Variants in NAV3 observed in about 807,000 individuals in gnomAD.
The protein encoded by NAV3 is neuron navigator 3, also known as pore membrane and/or filament interacting like protein 1.
NAV3 carries 87 observed loss-of-function variants against 244.7 expected under a neutral mutation model. The ratio of observed to expected loss-of-function variants is 0.36; its 90% CI spans 0.30 to 0.42. The LOEUF is 0.42. NAV3 is among the 20% of genes least tolerant of loss of function. NAV3 has a pLI of 1.00. For synonymous variants in NAV3, 1,126 were observed against 1,042.2 expected (o/e 1.08, Z -1.55); for missense variants, 2,663 against 2,893.3 (o/e 0.92, Z 1.83).
chr12:78,117,035 A>C, intron 13 of NAV3, 131 bp downstream of exon 13: 1 of 1,059,582 alleles, frequency 9.4e-7, no homozygotes, highest in Non-Finnish European at 1.3e-6. Context: ...TGCAGAGATA[A>C]TAAGGACTCC....
At chr12:78,171,116 T>A (rs954099652) in intron 24 of NAV3, among the ~76,000 whole-genome samples, 5 of 151,768 alleles carry the variant, frequency 3.3e-5, no homozygotes, top group Non-Finnish European at 7.4e-5. Flanking sequence ...TAAAGTGAGA[T>A]ATGCTTAAAT....
intron 7 of NAV3, among the ~76,000 whole-genome samples, chr12:78,001,899 C>G (rs1873373170): frequency 1.3e-5 from 2 of 152,196 alleles, no homozygotes; most frequent in African/African-American, 4.8e-5. Context: ...CTCCTGATGA[C>G]CTGCCATTCA....
intron 1 of NAV3, among the ~76,000 whole-genome samples, chr12:77,861,766 T>C (rs1408931524): frequency 6.6e-6 from 1 of 151,820 alleles, no homozygotes; most frequent in Admixed American, 6.6e-5. Context: ...AAATCTTAAG[T>C]AATTTTCATG....
At chr12:77,997,191 T>C (rs933990571) in intron 6 of NAV3, among the ~76,000 whole-genome samples, 6 of 141,114 alleles carry the variant, frequency 4.3e-5, no homozygotes, top group African/African-American at 1.3e-4. Context: ...TGGGCTGAGA[T>C]TGTGCCACTG....
At chr12:78,119,977 A>G in intron 15 of NAV3, 32 bp downstream of exon 15, 2 of 1,560,730 alleles carry the variant, frequency 1.3e-6, no homozygotes, top group East Asian at 2.2e-5. Flanking sequence ...CTGGAAAAAT[A>G]TAAAGGATAA....
chr12:77,852,948 A>G (rs923765020), intron 1 of NAV3, among the ~76,000 whole-genome samples: 3 of 152,192 alleles, frequency 2.0e-5, no homozygotes, highest in African/African-American at 7.2e-5. Context: ...ATTCCTGCAC[A>G]TGTCTTTTTG....
At position 78,121,984 on chromosome 12, in the gene NAV3, A is replaced by G; in HGVS notation, c.3794A>G (p.Asn1265Ser). ...KAGGKSASAPNTEGVKSSSVM... is the reference protein window; with the variant it reads ...KAGGKSASAPSTEGVKSSSVM... ...GGTGGCAAATCTGCCTCTGCACCTA[A>G]TACTGAGGGTGTGAAATCTTCCTCA... The change falls in exon 16 of 40, where the codon AAT becomes AGT. Residue 1265 changes from asparagine (N) to serine (S), a missense_variant. By Grantham distance (46) the Asn-to-Ser change is conservative. Transcript: ENST00000397909. 3.7e-6 allele frequency: 6 copies of G among 1,614,186 alleles called. No homozygotes were observed. Among genetic ancestry groups the G allele is most frequent in the Non-Finnish European group, 5.1e-6 (6 of 1,180,022 alleles).
chr12:78,026,634 A>C (rs983778833), intron 9 of NAV3, among the ~76,000 whole-genome samples: 40 of 152,198 alleles, frequency 2.6e-4, no homozygotes, highest in Non-Finnish European at 4.9e-4. Flanking sequence ...AACTGAAAAA[A>C]TTTAGATGAC....
At chr12:77,758,850 A>G (rs1171283976) in intron 2 of NAV3, among the ~76,000 whole-genome samples, 2 of 152,256 alleles carry the variant, frequency 1.3e-5, no homozygotes, top group African/African-American at 4.8e-5. Context: ...TAATTTTGCA[A>G]CATTTGAAAA....
intron 2 of NAV3, among the ~76,000 whole-genome samples, chr12:77,704,966 CTG>C (rs1210426569): frequency 2.6e-5 from 4 of 152,096 alleles, no homozygotes; most frequent in African/African-American, 7.2e-5. Context: ...TTTAGAAACT[CTG>C]TGTTATAGGA....
chr12:77,885,991 T>G (rs1476744554), intron 1 of NAV3, among the ~76,000 whole-genome samples: 3 of 152,104 alleles, frequency 2.0e-5, no homozygotes, highest in African/African-American at 4.8e-5. Context: ...AAACAACAAA[T>G]CTTCAGTTCT....
chr12:77,615,283 G>A (rs981096637), intron 2 of NAV3, among the ~76,000 whole-genome samples: 2 of 152,100 alleles, frequency 1.3e-5, no homozygotes, highest in Admixed American at 6.6e-5. Flanking sequence ...GGGAGTACAT[G>A]TACAGGTTTG....
upstream of NAV3, among the ~76,000 whole-genome samples, chr12:77,830,705 C>T (rs949250899): frequency 6.6e-6 from 1 of 152,194 alleles, no homozygotes; most frequent in African/African-American, 2.4e-5. Flanking sequence ...AACATCGTGG[C>T]TCATGGCTGT....
chr12:78,087,831 A>G (rs1049073052), intron 12 of NAV3, among the ~76,000 whole-genome samples: 1 of 151,966 alleles, frequency 6.6e-6, no homozygotes, highest in African/African-American at 2.4e-5. Context: ...TTTCACAGAT[A>G]AATTATAATA....
At chr12:78,032,203 G>A (rs1006729481) in intron 9 of NAV3, among the ~76,000 whole-genome samples, 5 of 152,176 alleles carry the variant, frequency 3.3e-5, no homozygotes, top group African/African-American at 1.2e-4. Context: ...GACATGTAAA[G>A]ATTTGCCATA....
chr12:78,165,718 A>T (rs983717762), intron 23 of NAV3, among the ~76,000 whole-genome samples: 3 of 151,866 alleles, frequency 2.0e-5, no homozygotes, highest in African/African-American at 7.2e-5. Context: ...ATGAAGAAGA[A>T]AAATGAAAAC....
At chr12:77,993,783 A>G (rs1871851211) in intron 5 of NAV3, among the ~76,000 whole-genome samples, 1 of 152,094 alleles carries the variant, frequency 6.6e-6, no homozygotes. Context: ...CCTGATTCCA[A>G]CACCCCCATG....
intron 1 of NAV3, among the ~76,000 whole-genome samples, chr12:77,862,801 T>G (rs1277342635): frequency 2.0e-5 from 3 of 151,826 alleles, no homozygotes; most frequent in Non-Finnish European, 4.4e-5. Flanking sequence ...GTTTCCATAT[T>G]AATCAGGCAG....
intron 4 of NAV3, among the ~76,000 whole-genome samples, chr12:77,966,826 C>T (rs1423946600): frequency 6.6e-6 from 1 of 151,898 alleles, no homozygotes; most frequent in Admixed American, 6.6e-5. Flanking sequence ...ATTAAAGATT[C>T]AAAAGATCAT....
Sources: gnomAD v4.1 joint callset for allele counts (sites outside exome capture counted in the v4.1 genomes callset) on GRCh38, gnomAD v4.1.1 for gene constraint, MANE v1.5 for transcripts, NCBI Gene and HGNC (gene_info 2026-07-23, HGNC 2026-07-21) for gene names.